The following SLC39A11 variants were observed in gnomAD, a reference collection of about 807,000 sequenced individuals.
SLC39A11 encodes the protein zinc transporter ZIP11.
Under a neutral mutation model 36.1 loss-of-function variants are expected in SLC39A11, and 33 were observed. The observed-to-expected ratio is 0.91, with a 90% CI of 0.69 to 1.22. The LOEUF is 1.22. Among genes scored for constraint, SLC39A11 ranks in the 50% most tolerant of loss-of-function variants. The pLI is 0.00. For missense variants in SLC39A11, 432 were observed against 430.3 expected (o/e 1.00, Z -0.03); for synonymous variants, 166 against 170.3 (o/e 0.97, Z 0.20).
At chr17:72,685,027 C>T (rs1479145159) in intron 7 of SLC39A11, among the ~76,000 whole-genome samples, 1 of 152,204 alleles carries the variant, frequency 6.6e-6, no homozygotes, top group South Asian at 2.1e-4. Flanking sequence ...ACAAATGGTG[C>T]TGAGCAGGGA....
intron 5 of SLC39A11, among the ~76,000 whole-genome samples, chr17:72,916,194 C>T (rs1466328411): frequency 1.3e-5 from 2 of 150,424 alleles, no homozygotes; most frequent in Non-Finnish European, 1.5e-5. Context: ...CAGTGAAATG[C>T]GCGCACACAC....
rs544404168 is a variant in SLC39A11 at position 72,909,821 on chromosome 17, C to T, written c.430+37931G>A. Reference sequence around the variant, plus strand: ...AGTGCAGTGGCGTGATCTCGGCTCACTGCAACCTCCGCTTCCCGCGTTCAC... The same window carrying T: ...AGTGCAGTGGCGTGATCTCGGCTCATTGCAACCTCCGCTTCCCGCGTTCAC... On this transcript the variant is annotated intron_variant, in intron 5 of 9. Coordinates refer to ENST00000255559, the MANE Select transcript of SLC39A11 (RefSeq NM_139177.4). Among the ~76,000 whole-genome samples, 3 of 151,694 alleles carry T rather than the reference C, an allele frequency of 2.0e-5. No homozygotes were observed. In the South Asian group the frequency reaches 6.3e-4, roughly 32 times the overall value.
chr17:72,915,862 T>G (rs1284520567), intron 5 of SLC39A11, among the ~76,000 whole-genome samples: 1 of 152,218 alleles, frequency 6.6e-6, no homozygotes, highest in African/African-American at 2.4e-5. Context: ...AAGTAGACAT[T>G]TTTAGGGAAC....
chr17:72,893,047 T>C (rs779467938), intron 5 of SLC39A11, among the ~76,000 whole-genome samples: 1 of 152,232 alleles, frequency 6.6e-6, no homozygotes, highest in Non-Finnish European at 1.5e-5. Context: ...TGAGGGCTTT[T>C]GTTCCCTTGT....
At chr17:72,787,682 G>T (rs1408897605) in intron 6 of SLC39A11, among the ~76,000 whole-genome samples, 1 of 152,128 alleles carries the variant, frequency 6.6e-6, no homozygotes, top group Admixed American at 6.6e-5. Flanking sequence ...AAATGTCTGT[G>T]GAATCTTGGA....
chr17:72,925,346 C>A (rs2083980168), intron 5 of SLC39A11, among the ~76,000 whole-genome samples: 1 of 152,042 alleles, frequency 6.6e-6, no homozygotes, highest in South Asian at 2.1e-4. Context: ...TTCCATGAGT[C>A]AGAAATGAAT....
rs139312115 is a variant in SLC39A11, at chr17:72,860,469, A to G, written c.431-10665T>C. On this transcript the variant is annotated intron_variant, in intron 5 of 9. Coordinates refer to ENST00000255559, the MANE Select transcript of SLC39A11 (RefSeq NM_139177.4). ...GTTGGGCACAGTTTATGAGTCTGTC[A>G]TTTCCTCCAGTTCCTCTCCTGGGGA... Among the ~76,000 whole-genome samples, 177 of 152,288 alleles carry G rather than the reference A, an allele frequency of 1.2e-3. 1 individual carries two copies. Among genetic ancestry groups the G allele is most frequent in the African/African-American group, 4.0e-3 (168 of 41,552 alleles).
intron 4 of SLC39A11, among the ~76,000 whole-genome samples, chr17:73,004,244 GA>G (rs1598809891): frequency 1.4e-5 from 2 of 146,682 alleles, no homozygotes; most frequent in East Asian, 2.1e-4. Context: ...AAGAAAGAAA[GA>G]GAAAAAGCAA....
intron 6 of SLC39A11, among the ~76,000 whole-genome samples, chr17:72,823,063 A>C (rs967943817): frequency 5.3e-5 from 8 of 151,184 alleles, no homozygotes; most frequent in African/African-American, 1.9e-4. Flanking sequence ...TGAAACACAT[A>C]TAAAGGAAAA....
intron 5 of SLC39A11, among the ~76,000 whole-genome samples, chr17:72,875,777 G>A (rs1231174436): frequency 3.3e-5 from 5 of 152,130 alleles, no homozygotes; most frequent in Admixed American, 6.5e-5. Flanking sequence ...TCTGAGGAAG[G>A]AGGTGGGACT....
At chr17:72,717,423 G>A (rs546519879) in intron 7 of SLC39A11, among the ~76,000 whole-genome samples, 2 of 152,082 alleles carry the variant, frequency 1.3e-5, no homozygotes, top group African/African-American at 2.4e-5. Context: ...CCCCCTGAAG[G>A]CTCTAGGGGA....
chr17:72,747,840 G>C (rs2075002061), intron 6 of SLC39A11, among the ~76,000 whole-genome samples: 1 of 152,170 alleles, frequency 6.6e-6, no homozygotes, highest in Non-Finnish European at 1.5e-5. Context: ...TTATTGCCAA[G>C]GAATCCCTGT....
intron 3 of SLC39A11, among the ~76,000 whole-genome samples, chr17:73,060,219 AAAAAAAAAAAAG>A (rs1368622622): frequency 6.6e-6 from 1 of 150,544 alleles, no homozygotes; most frequent in African/African-American, 2.4e-5. Flanking sequence ...TCAAAAAAAA[AAAAAAAAAAAAG>A]AAAGAAAAAA....
intron 3 of SLC39A11, chr17:73,073,850 C>T (rs369632390): frequency 5.3e-5 from 8 of 152,152 alleles, no homozygotes; most frequent in African/African-American, 1.7e-4. Flanking sequence ...AGAGAAAAAC[C>T]ATAGCTCAGA....
chr17:73,046,631 C>CGTT (rs2059301508), intron 3 of SLC39A11, among the ~76,000 whole-genome samples: 1 of 152,176 alleles, frequency 6.6e-6, no homozygotes, highest in Non-Finnish European at 1.5e-5. Context: ...CTCTCTGTCT[C>CGTT]TGTCTCTCTT....
chr17:72,979,585 G>T (rs2088138222), intron 4 of SLC39A11, among the ~76,000 whole-genome samples: 1 of 152,126 alleles, frequency 6.6e-6, no homozygotes. Context: ...AGAATTTCTA[G>T]AAAAGGGAAA....
intron 7 of SLC39A11, among the ~76,000 whole-genome samples, chr17:72,686,878 G>A (rs1292611709): frequency 6.6e-6 from 1 of 152,202 alleles, no homozygotes; most frequent in Non-Finnish European, 1.5e-5. Context: ...TGCCATTAAA[G>A]GAAGAGCATG....
intron 4 of SLC39A11, among the ~76,000 whole-genome samples, chr17:72,967,307 A>G (rs2087062803): frequency 6.6e-6 from 1 of 151,196 alleles, no homozygotes; most frequent in African/African-American, 2.4e-5. Context: ...CTAGAGTGAG[A>G]TATTATACCT....
At chr17:72,916,012 G>A (rs1305283964) in intron 5 of SLC39A11, among the ~76,000 whole-genome samples, 1 of 152,090 alleles carries the variant, frequency 6.6e-6, no homozygotes, top group Non-Finnish European at 1.5e-5. Flanking sequence ...AAGGAGATCT[G>A]GCCTTTTGTT....
Sources: allele counts gnomAD v4.1 joint callset (sites outside exome capture counted in the v4.1 genomes callset), GRCh38; gene constraint gnomAD v4.1.1; transcripts MANE v1.5; gene names NCBI Gene and HGNC (gene_info 2026-07-23, HGNC 2026-07-21).